ABI3BP: variants seen among roughly 807,000 people sequenced by gnomAD.
The protein encoded by ABI3BP is ABI family member 3 binding protein.
Under a neutral mutation model 268.6 loss-of-function variants are expected in ABI3BP, and 216 were observed. That is an observed-to-expected ratio of 0.80 (90% CI 0.72 to 0.90). The LOEUF is 0.90. Ranked by LOEUF, ABI3BP falls within the 40% of genes least tolerant of loss-of-function variation. The probability of loss-of-function intolerance (pLI) is 0.00; values close to 1 mark genes in which losing one functional copy is unlikely to be tolerated. For synonymous variants in ABI3BP, 730 were observed against 730.0 expected (o/e 1.00, Z 0.00); for missense variants, 2,090 against 2,182.4 (o/e 0.96, Z 0.84).
intron 47 of ABI3BP, 64 bp from the exon 48 acceptor site, chr3:100,811,341 G>A: frequency 2.5e-6 from 3 of 1,203,852 alleles, no homozygotes; most frequent in South Asian, 1.4e-5. Context: ...GCATTTTTTT[G>A]AATATCAAAT....
chr3:100,796,575 T>C (rs2097351967), intron 51 of ABI3BP, 107 bp from the exon 52 acceptor site: 2 of 775,310 alleles, frequency 2.6e-6, no homozygotes, highest in Non-Finnish European at 2.0e-6. Context: ...AGCAAAAGTA[T>C]TTTTACAATG....
intron 1 of ABI3BP, chr3:100,945,530 C>T (rs1049559405): frequency 2.7e-6 from 1 of 376,938 alleles, no homozygotes; most frequent in African/African-American, 2.2e-5. Context: ...CTCTAGGCAA[C>T]CACTGGTCTA....
At chr3:100,907,933 GT>G (rs1443834172) in intron 2 of ABI3BP, among the ~76,000 whole-genome samples, 1 of 152,044 alleles carries the variant, frequency 6.6e-6, no homozygotes, top group Non-Finnish European at 1.5e-5. Context: ...GGCTAACACA[GT>G]GAAACCCCAT....
rs58342344 is a variant in ABI3BP, at chr3:100,894,938, C to CAAAAAAAAA, written c.461+3815_461+3823dup. 3.4e-3 allele frequency among the ~76,000 whole-genome samples: 127 copies of CAAAAAAAAA among 37,704 alleles called. 14 individuals are homozygous for CAAAAAAAAA. The highest frequency in any genetic ancestry group is 3.6e-3 in the Non-Finnish European group (81 of 22,266). The allele number at this position is 37,704 out of a possible 152,430, so 24.7% of individuals were successfully genotyped here. A position where few individuals can be genotyped will look rare whatever the true frequency, so the allele number is the denominator to read the frequency against. On this transcript the variant is annotated intron_variant, in intron 4 of 67. Coordinates refer to ENST00000471714, the MANE Select transcript of ABI3BP (RefSeq NM_001375547.2). ...TGGGCGACAGAGCGGGATTCCGCTT[C>CAAAAAAAAA]AAAAAAAAAAAAAAAAAAAAAAAAA...
intron 57 of ABI3BP, among the ~76,000 whole-genome samples, chr3:100,785,290 G>T (rs114195056): frequency 2.0e-5 from 3 of 152,160 alleles, no homozygotes; most frequent in Non-Finnish European, 4.4e-5. Context: ...GAGGCTGAAA[G>T]TGTGGATGAG....
chr3:100,872,744 A>T (rs1049168645), intron 9 of ABI3BP, among the ~76,000 whole-genome samples: 1 of 152,206 alleles, frequency 6.6e-6, no homozygotes, highest in African/African-American at 2.4e-5. Flanking sequence ...TCCTGGCAGC[A>T]TCACATTTAC....
chr3:100,808,364 G>T, intron 49 of ABI3BP, 129 bp from the exon 50 acceptor site: 1 of 589,458 alleles, frequency 1.7e-6, no homozygotes, highest in Non-Finnish European at 2.9e-6. Flanking sequence ...GGCTTCTAAA[G>T]ATCTGCAAAG....
Position 100,829,655 on chromosome 3 carries a change from A to G in ABI3BP, c.2468T>C (p.Val823Ala). 1 of 1,535,422 alleles carries G rather than the reference A, an allele frequency of 6.5e-7. No individual in the cohort carries two copies. The highest frequency in any genetic ancestry group is 2.0e-5 in the Admixed American group (1 of 50,956). The change falls in exon 33 of 68, where the codon GTG (valine) becomes GCG (alanine). Residue 823 changes from valine to alanine, a missense_variant. Coordinates refer to ENST00000471714, the MANE Select transcript of ABI3BP (RefSeq NM_001375547.2). The stretch of plus-strand genomic sequence containing the variant: ...ATGTGGACGATGAGTTCGTTGAGGC[A>G]CTTTGGGAGCTAAAGGAAGAAAACT... ...EASGTTAAPK[V>A]PQRTHRPHPK... is the part of the protein sequence containing the mutation.
chr3:100,806,480 C>T (rs1255688295), intron 50 of ABI3BP, among the ~76,000 whole-genome samples: 7 of 151,888 alleles, frequency 4.6e-5, no homozygotes, highest in Non-Finnish European at 7.4e-5. Flanking sequence ...TATAAAAATC[C>T]AGGATATTGC....
chr3:100,848,989 C>T (rs984238312), intron 17 of ABI3BP, 114 bp from the exon 18 acceptor site: 15 of 831,738 alleles, frequency 1.8e-5, no homozygotes, highest in South Asian at 4.5e-5. Context: ...TTCCTTGTAT[C>T]CTTAGAATGT....
intron 61 of ABI3BP, among the ~76,000 whole-genome samples, chr3:100,774,030 C>T (rs933071873): frequency 6.6e-6 from 1 of 152,026 alleles, no homozygotes; most frequent in Non-Finnish European, 1.5e-5. Flanking sequence ...ATGATGGTCT[C>T]ATGGGTGTAT....
At chr3:100,859,429 G>A (rs2098972912) in intron 14 of ABI3BP, among the ~76,000 whole-genome samples, 1 of 152,088 alleles carries the variant, frequency 6.6e-6, no homozygotes, top group Admixed American at 6.5e-5. Context: ...TGGGATTCAT[G>A]GTTTTGTGGA....
At chr3:100,758,716 ATTG>A (rs1018480216) in intron 63 of ABI3BP, among the ~76,000 whole-genome samples, 2 of 152,232 alleles carry the variant, frequency 1.3e-5, no homozygotes, top group African/African-American at 4.8e-5. Context: ...AATAGAGGGT[ATTG>A]TTTGACACCA....
At chr3:100,896,956 G>A (rs1382556404) in intron 4 of ABI3BP, among the ~76,000 whole-genome samples, 5 of 152,068 alleles carry the variant, frequency 3.3e-5, no homozygotes, top group Admixed American at 2.0e-4. Context: ...TTTTTCTTGA[G>A]TCTAGATTTC....
At chr3:100,822,735 G>A (rs1261702779) in intron 37 of ABI3BP, 63 bp from the exon 38 acceptor site, 3 of 1,449,794 alleles carry the variant, frequency 2.1e-6, no homozygotes, top group Admixed American at 2.0e-5. Context: ...GAAGCTGTGT[G>A]AGGTAAAAAA....
chr3:100,957,286 G>A (rs531790632), intron 1 of ABI3BP, among the ~76,000 whole-genome samples: 15 of 152,296 alleles, frequency 9.8e-5, no homozygotes, highest in African/African-American at 3.4e-4. Context: ...AGCTACGGAT[G>A]TCTCCAGTTT....
chr3:100,985,141 C>CTTTTTTTT (rs1172049956), intron 1 of ABI3BP, among the ~76,000 whole-genome samples: 23 of 79,854 alleles, frequency 2.9e-4, no homozygotes, highest in African/African-American at 1.0e-3. Context: ...CAGAAAAGCA[C>CTTTTTTTT]TTTTTTTTTT....
intron 1 of ABI3BP, among the ~76,000 whole-genome samples, chr3:100,951,112 G>C (rs1271660064): frequency 6.6e-6 from 1 of 151,906 alleles, no homozygotes. Flanking sequence ...AAATGTCTGA[G>C]ACAAGTCTAG....
At chr3:100,936,881 A>T (rs536519084) in intron 1 of ABI3BP, among the ~76,000 whole-genome samples, 1 of 151,888 alleles carries the variant, frequency 6.6e-6, no homozygotes, top group Admixed American at 6.6e-5. Flanking sequence ...CATCTTTATT[A>T]GTCTGGCTAG....
Sources: gnomAD v4.1 joint callset for allele counts (sites outside exome capture counted in the v4.1 genomes callset) on GRCh38, gnomAD v4.1.1 for gene constraint, MANE v1.5 for transcripts, NCBI Gene and HGNC (gene_info 2026-07-23, HGNC 2026-07-21) for gene names.